GREB1L: variants seen among roughly 807,000 people sequenced by gnomAD.
GREB1L encodes GREB1-like protein.
GREB1L carries 17 observed loss-of-function variants against 200.8 expected under a neutral mutation model. The observed-to-expected ratio is 0.08, with a 90% CI of 0.06 to 0.13. GREB1L has a LOEUF of 0.13. Among genes scored for constraint, GREB1L ranks in the 10% least tolerant of loss-of-function variants. The pLI, the probability that GREB1L is intolerant of heterozygous loss-of-function variation, is 1.00. For synonymous variants in GREB1L, 789 were observed against 893.0 expected (o/e 0.88, Z 2.08); for missense variants, 1,657 against 2,367.7 (o/e 0.70, Z 6.23).
At chr18:21,284,974 C>CT (rs2038331285) in intron 1 of GREB1L, among the ~76,000 whole-genome samples, 1 of 151,860 alleles carries the variant, frequency 6.6e-6, no homozygotes, top group African/African-American at 2.4e-5. Flanking sequence ...ATTTATATGT[C>CT]TTTTTTGGAG....
chr18:21,412,437 A>T (rs1306066157), intron 7 of GREB1L, among the ~76,000 whole-genome samples: 2 of 152,116 alleles, frequency 1.3e-5, no homozygotes, highest in East Asian at 1.9e-4. Context: ...TATATATATA[A>T]AATGAAATAG....
chr18:21,319,434 T>C (rs2038919137), intron 1 of GREB1L, among the ~76,000 whole-genome samples: 1 of 152,270 alleles, frequency 6.6e-6, no homozygotes. Flanking sequence ...GTTAGGAAAT[T>C]ATGCCGGAAG....
intron 15 of GREB1L, among the ~76,000 whole-genome samples, chr18:21,461,852 A>C (rs1398113020): frequency 3.9e-5 from 6 of 152,264 alleles, no homozygotes; most frequent in Non-Finnish European, 7.3e-5. Flanking sequence ...AAAGGCAAAC[A>C]CAGAAATAAT....
intron 1 of GREB1L, among the ~76,000 whole-genome samples, chr18:21,265,777 A>G (rs1313608997): frequency 1.3e-5 from 2 of 151,960 alleles, no homozygotes; most frequent in African/African-American, 4.8e-5. Context: ...TTATGGGCTT[A>G]TCAAACATCT....
At chr18:21,265,024 T>A (rs2037944630) in intron 1 of GREB1L, among the ~76,000 whole-genome samples, 1 of 152,220 alleles carries the variant, frequency 6.6e-6, no homozygotes, top group Admixed American at 6.5e-5. Context: ...TTTTAGAGGC[T>A]TTCCATCTCA....
At chr18:21,399,524 G>A (rs2041229827) in intron 5 of GREB1L, among the ~76,000 whole-genome samples, 1 of 152,036 alleles carries the variant, frequency 6.6e-6, no homozygotes, top group African/African-American at 2.4e-5. Flanking sequence ...TAGATGGATG[G>A]ATGGATAACT....
intron 1 of GREB1L, among the ~76,000 whole-genome samples, chr18:21,245,498 C>T (rs2037581915): frequency 6.6e-6 from 1 of 152,166 alleles, no homozygotes; most frequent in East Asian, 1.9e-4. Flanking sequence ...CCTTCCCAAT[C>T]TTGCCATATG....
intron 17 of GREB1L, 123 bp from the exon 18 acceptor site, chr18:21,485,497 A>G (rs1598912272): frequency 2.5e-6 from 2 of 812,682 alleles, no homozygotes; most frequent in East Asian, 5.7e-5. Context: ...ATGAAACAGT[A>G]TTTTTTCTTA....
chr18:21,427,083 A>C (rs186084727), intron 7 of GREB1L, among the ~76,000 whole-genome samples: 1 of 152,024 alleles, frequency 6.6e-6, no homozygotes, highest in East Asian at 1.9e-4. Flanking sequence ...AACCAGCTGG[A>C]ATTTTGATGG....
At position 21,444,317 on chromosome 18, in the gene GREB1L, A is replaced by C; in HGVS notation, c.1301A>C (p.Asn434Thr). ...TGCTACAAGATTCCACAGTTGGAAA[A>C]CAAAGATTTGGAAAAATTAGGGTTG... Reference protein sequence around the residue: ...VNCYKIPQLENKDLEKLGLTG... With the variant: ...VNCYKIPQLETKDLEKLGLTG... The change falls in exon 11 of 33, where the codon AAC becomes ACC. Residue 434 changes from asparagine (N) to threonine (T), a missense_variant. Asn to Thr is a moderately conservative substitution (Grantham distance 65). Coordinates refer to ENST00000424526, the MANE Select transcript of GREB1L (RefSeq NM_001142966.3). The C allele has an allele frequency of 7.7e-6, 12 of 1,552,054 alleles. No homozygotes were observed. Among genetic ancestry groups the C allele is most frequent in the Non-Finnish European group, 1.0e-5 (12 of 1,146,950 alleles).
intron 1 of GREB1L, among the ~76,000 whole-genome samples, chr18:21,353,153 G>A (rs2039458186): frequency 6.6e-6 from 1 of 150,378 alleles, no homozygotes; most frequent in African/African-American, 2.5e-5. Flanking sequence ...CTGCACTCCA[G>A]CCTAGGTGAC....
intron 7 of GREB1L, among the ~76,000 whole-genome samples, chr18:21,431,923 T>C (rs1364146705): frequency 1.5e-5 from 2 of 136,276 alleles, no homozygotes; most frequent in South Asian, 2.5e-4. Flanking sequence ...TCTTTTCTTT[T>C]TTTTTTTTTT....
chr18:21,418,064 C>G (rs1333371044), intron 7 of GREB1L, among the ~76,000 whole-genome samples: 1 of 151,502 alleles, frequency 6.6e-6, no homozygotes, highest in Non-Finnish European at 1.5e-5. Flanking sequence ...AAATTTAAAT[C>G]TATTTAAAAG....
intron 7 of GREB1L, among the ~76,000 whole-genome samples, chr18:21,424,492 C>T (rs1457881711): frequency 6.6e-6 from 1 of 152,090 alleles, no homozygotes; most frequent in Non-Finnish European, 1.5e-5. Context: ...CCACTTGAAC[C>T]CAGGAGGCAG....
At chr18:21,373,005 T>C (rs1427908239) in intron 2 of GREB1L, among the ~76,000 whole-genome samples, 2 of 152,162 alleles carry the variant, frequency 1.3e-5, no homozygotes, top group Non-Finnish European at 2.9e-5. Context: ...AGACATTTCT[T>C]CTTCTTCCAG....
chr18:21,360,229 A>G (rs1239573661), intron 1 of GREB1L, among the ~76,000 whole-genome samples: 1 of 151,992 alleles, frequency 6.6e-6, no homozygotes, highest in Non-Finnish European at 1.5e-5. Flanking sequence ...TATTATTATT[A>G]TTTCTTTGAG....
intron 4 of GREB1L, among the ~76,000 whole-genome samples, chr18:21,391,675 T>C (rs2040813274): frequency 6.6e-6 from 1 of 152,246 alleles, no homozygotes; most frequent in African/African-American, 2.4e-5. Context: ...CCTCAATCGT[T>C]GACTCACAAA....
At chr18:21,401,400 C>G in intron 6 of GREB1L, 74 bp downstream of exon 6, 2 of 1,261,470 alleles carry the variant, frequency 1.6e-6, no homozygotes, top group East Asian at 5.1e-5. Flanking sequence ...ATACAAGATT[C>G]AGAGTTCAGG....
intron 14 of GREB1L, among the ~76,000 whole-genome samples, chr18:21,453,355 T>C (rs2034614453): frequency 6.6e-6 from 1 of 152,214 alleles, no homozygotes; most frequent in Admixed American, 6.5e-5. Flanking sequence ...GTATCCATGG[T>C]AACTGGGATA....
Sources: allele counts gnomAD v4.1 joint callset (sites outside exome capture counted in the v4.1 genomes callset), GRCh38; gene constraint gnomAD v4.1.1; transcripts MANE v1.5; gene names NCBI Gene and HGNC (gene_info 2026-07-23, HGNC 2026-07-21).